The following CSMD3 variants were observed in gnomAD, a reference collection of about 807,000 sequenced individuals.
CSMD3 encodes the protein CUB and sushi domain-containing protein 3.
CSMD3 carries 177 observed loss-of-function variants against 435.2 expected under a neutral mutation model. The observed-to-expected ratio is 0.41, with a 90% CI of 0.36 to 0.46. The LOEUF is 0.46. Among genes scored for constraint, CSMD3 ranks in the 20% least tolerant of loss-of-function variants. CSMD3 has a pLI of 0.34. For synonymous variants in CSMD3, 1,656 were observed against 1,520.5 expected (o/e 1.09, Z -2.07); for missense variants, 4,265 against 4,504.6 (o/e 0.95, Z 1.52).
At chr8:113,273,059 T>A (rs1032087633) in intron 3 of CSMD3, among the ~76,000 whole-genome samples, 1 of 152,008 alleles carries the variant, frequency 6.6e-6, no homozygotes, top group Admixed American at 6.6e-5. Context: ...GTGATAGATA[T>A]CCCAATTACT....
chr8:113,052,922 A>C (rs1310378598), intron 5 of CSMD3, among the ~76,000 whole-genome samples: 1 of 152,224 alleles, frequency 6.6e-6, no homozygotes, highest in Non-Finnish European at 1.5e-5. Context: ...TCTCCTCCTT[A>C]TAAGTTTCAG....
At chr8:112,788,466 C>CTG (rs1393991967) in intron 13 of CSMD3, among the ~76,000 whole-genome samples, 5 of 152,220 alleles carry the variant, frequency 3.3e-5, no homozygotes, top group Non-Finnish European at 4.4e-5. Flanking sequence ...CCACAGGTCT[C>CTG]ATTCAAAGTT....
chr8:113,413,641 A>C lies in CSMD3; in HGVS notation c.178+23036T>G, dbSNP rs186272989. 2.0e-4 allele frequency among the ~76,000 whole-genome samples: 30 copies of C among 152,324 alleles called. 1 individual carries two copies. The highest frequency in any genetic ancestry group is 6.5e-5 in the Admixed American group (1 of 15,290). ...TAAATAATACTATACAAAAGAAGGC[A>C]AAGAGTAATGTGGGAGTATGGATAA... On this transcript the variant is annotated intron_variant, in intron 1 of 70. Coordinates refer to ENST00000297405, the MANE Select transcript of CSMD3 (RefSeq NM_198123.2).
intron 4 of CSMD3, among the ~76,000 whole-genome samples, chr8:113,125,865 T>C (rs1265144326): frequency 1.3e-5 from 2 of 151,852 alleles, no homozygotes; most frequent in East Asian, 3.9e-4. Flanking sequence ...TTTGAACACT[T>C]TATTAAAGAA....
At chr8:112,671,687 C>T (rs75950434) in intron 16 of CSMD3, among the ~76,000 whole-genome samples, 2,909 of 152,112 alleles carry the variant, frequency 0.019, 41 homozygotes, top group Non-Finnish European at 0.029. Context: ...GACTAGGTAG[C>T]GGCAGAGCTG....
In CSMD3 at chr8:112,685,445, G is replaced by A. The variant is rs2131802507; in HGVS notation, c.2443C>T (p.His815Tyr). The stretch of plus-strand genomic sequence containing the variant: ...TTAAAGCCACGTCCTGACATTGAGT[G>A]GTCAGCCTGAAATTCCAATCGCAGT... Reference protein sequence around the residue: ...HILRLEFQADHSMSGRGFNIT... With the variant: ...HILRLEFQADYSMSGRGFNIT... Residue 815 changes from histidine to tyrosine, a missense_variant, in exon 15 of 71, where the codon CAC (histidine) becomes TAC (tyrosine). Transcript: ENST00000297405. 1.9e-6 allele frequency: 3 copies of A among 1,613,962 alleles called. No homozygotes were observed. The highest frequency in any genetic ancestry group is 1.1e-5 in the South Asian group (1 of 91,074).
rs146986923 is a variant in CSMD3 at position 112,517,194 on chromosome 8, C to A, written c.4596G>T (p.Gly1532=). The change falls in exon 28 of 71, where the codon GGG becomes GGT. Residue 1532 remains glycine (G), a synonymous_variant. Coordinates refer to ENST00000297405, the MANE Select transcript of CSMD3 (RefSeq NM_198123.2). ...CATTTCGAGTCCCATTCATGGGGAC[C>A]CCTGGGTCACGACACGCAGTGGCAA... ...SSVATACRDP[G]VPMNGTRNGD... is the part of the protein sequence containing the mutation. The A allele has an allele frequency of 1.9e-4, 301 of 1,613,486 alleles. No individual in the cohort carries two copies. Among genetic ancestry groups the A allele is most frequent in the Non-Finnish European group, 2.4e-4 (283 of 1,179,858 alleles).
At chr8:112,736,722 T>C (rs1172416412) in intron 13 of CSMD3, among the ~76,000 whole-genome samples, 2 of 152,022 alleles carry the variant, frequency 1.3e-5, no homozygotes, top group East Asian at 3.9e-4. Context: ...ATAGAAACCA[T>C]GTCTCCTTTC....
chr8:112,417,779 T>C (rs1205728412), intron 32 of CSMD3, among the ~76,000 whole-genome samples: 1 of 152,148 alleles, frequency 6.6e-6, no homozygotes, highest in East Asian at 1.9e-4. Context: ...CATTCTACCT[T>C]TGTTTTTGTT....
At chr8:112,430,136 G>A (rs1027698304) in intron 32 of CSMD3, among the ~76,000 whole-genome samples, 1 of 151,958 alleles carries the variant, frequency 6.6e-6, no homozygotes, top group African/African-American at 2.4e-5. Flanking sequence ...ACTTGTACGA[G>A]GAACATCAGG....
rs187247363 is a variant in CSMD3 at position 113,281,633 on chromosome 8, T to A, written c.402-2929A>T. Among the ~76,000 whole-genome samples, 101 of 152,094 alleles carry A rather than the reference T, an allele frequency of 6.6e-4. 1 individual carries two copies. Among genetic ancestry groups the A allele is most frequent in the African/African-American group, 2.4e-3 (98 of 41,556 alleles). On this transcript the variant is annotated intron_variant, in intron 2 of 70. Coordinates refer to ENST00000297405, the MANE Select transcript of CSMD3 (RefSeq NM_198123.2). ...ATTCTGCAGTTATGTATCTTTTAAG[T>A]GGAGCATTTAGGCCATTTACATTCA...
chr8:113,276,480 T>C (rs2093571539), intron 3 of CSMD3, among the ~76,000 whole-genome samples: 2 of 152,062 alleles, frequency 1.3e-5, no homozygotes, highest in African/African-American at 2.4e-5. Context: ...CCTTAGGAGC[T>C]ATGGGCAGCC....
At chr8:113,146,192 T>C (rs1447530406) in intron 4 of CSMD3, among the ~76,000 whole-genome samples, 1 of 151,538 alleles carries the variant, frequency 6.6e-6, no homozygotes, top group African/African-American at 2.4e-5. Context: ...AAACAGTGAA[T>C]GCTTATTGTG....
At chr8:112,717,099 C>G (rs2076748895) in intron 13 of CSMD3, among the ~76,000 whole-genome samples, 1 of 151,942 alleles carries the variant, frequency 6.6e-6, no homozygotes, top group Non-Finnish European at 1.5e-5. Flanking sequence ...AGCTTCTGCA[C>G]AGCAAAAGAA....
rs955432925 is a variant in CSMD3, at chr8:112,289,256, G to A, written c.9148+109C>T. 1.3e-5 allele frequency: 12 copies of A among 955,510 alleles called. No individual in the cohort carries two copies. In the African/African-American group the frequency reaches 1.4e-4, roughly 12 times the overall value. The allele number at this position is 955,510 out of a possible 1,614,324, so 59.2% of individuals were successfully genotyped here. ...TCAGCTTTTCTTATGAGATTTTTCAGAGAGAAATATATTTTAAGTCTTTAG... is the reference window on the plus strand; with the variant it reads ...TCAGCTTTTCTTATGAGATTTTTCAAAGAGAAATATATTTTAAGTCTTTAG... On this transcript the variant is annotated intron_variant, in intron 57 of 70. Coordinates refer to ENST00000297405, the MANE Select transcript of CSMD3 (RefSeq NM_198123.2).
At chr8:113,073,526 A>G (rs2089216699) in intron 5 of CSMD3, among the ~76,000 whole-genome samples, 1 of 151,816 alleles carries the variant, frequency 6.6e-6, no homozygotes, top group Non-Finnish European at 1.5e-5. Context: ...CACCCTGTGG[A>G]AAATGGGATA....
At chr8:112,797,039 TTA>T (rs2078846237) in intron 13 of CSMD3, among the ~76,000 whole-genome samples, 1 of 152,032 alleles carries the variant, frequency 6.6e-6, no homozygotes, top group African/African-American at 2.4e-5. Flanking sequence ...TTGTTGCTTT[TTA>T]TGTTTTAAAA....
At chr8:112,457,036 T>C (rs1458228546) in intron 32 of CSMD3, among the ~76,000 whole-genome samples, 1 of 152,100 alleles carries the variant, frequency 6.6e-6, no homozygotes, top group Non-Finnish European at 1.5e-5. Context: ...CATGAGATAA[T>C]ATTATGTGAC....
chr8:113,100,939 G>C (rs533565021), intron 4 of CSMD3, among the ~76,000 whole-genome samples: 2 of 151,948 alleles, frequency 1.3e-5, no homozygotes, highest in African/African-American at 4.8e-5. Context: ...TGGAGAAGTC[G>C]GTCTCCTTCC....
Sources: allele counts gnomAD v4.1 joint callset (sites outside exome capture counted in the v4.1 genomes callset), GRCh38; gene constraint gnomAD v4.1.1; transcripts MANE v1.5; gene names NCBI Gene and HGNC (gene_info 2026-07-23, HGNC 2026-07-21).